Variants in KCNIP1 observed in about 807,000 individuals in gnomAD.
KCNIP1 encodes potassium voltage-gated channel interacting protein 1, also known as A-type potassium channel modulatory protein KCNIP1.
KCNIP1 carries 18 observed loss-of-function variants against 33.0 expected under a neutral mutation model. That is an observed-to-expected ratio of 0.55 (90% CI 0.38 to 0.81). KCNIP1 has a LOEUF of 0.81. KCNIP1 is among the 30% of genes least tolerant of loss of function. The probability of loss-of-function intolerance (pLI) is 0.00; values close to 1 mark genes in which losing one functional copy is unlikely to be tolerated. For synonymous variants in KCNIP1, 93 were observed against 98.3 expected (o/e 0.95, Z 0.32); for missense variants, 238 against 271.6 (o/e 0.88, Z 0.87).
At chr5:170,655,832 C>T (rs894496534) in intron 1 of KCNIP1, among the ~76,000 whole-genome samples, 3 of 152,182 alleles carry the variant, frequency 2.0e-5, no homozygotes, top group East Asian at 3.9e-4. Context: ...ATTCAAGAAA[C>T]CAGCCTCTCT....
intron 1 of KCNIP1, among the ~76,000 whole-genome samples, chr5:170,434,811 C>A (rs965597300): frequency 2.0e-5 from 3 of 152,124 alleles, no homozygotes; most frequent in Non-Finnish European, 2.9e-5. Context: ...AAAAATCAGC[C>A]GGGCGTGGTG....
chr5:170,383,855 G>A (rs1388321245), intron 1 of KCNIP1: 1 of 1,613,484 alleles, frequency 6.2e-7, no homozygotes, highest in African/African-American at 1.3e-5. Flanking sequence ...CACACGCTGA[G>A]GAGACCACAC....
intron 1 of KCNIP1, among the ~76,000 whole-genome samples, chr5:170,586,080 C>T (rs1757978639): frequency 6.6e-6 from 1 of 152,206 alleles, no homozygotes; most frequent in Non-Finnish European, 1.5e-5. Context: ...GTGCCCCCAT[C>T]TGTAAAATGG....
chr5:170,471,614 C>T (rs1038655737), intron 1 of KCNIP1, among the ~76,000 whole-genome samples: 10 of 152,180 alleles, frequency 6.6e-5, no homozygotes, highest in African/African-American at 2.4e-4. Flanking sequence ...GTCTGCAAGG[C>T]CCTGAGTGCC....
In KCNIP1 at chr5:170,736,117, T is replaced by C. The variant is rs1274418452; in HGVS notation, c.*311T>C. 3.0e-6 allele frequency: 1 copy of C among 328,838 alleles called. No homozygotes were observed. Among genetic ancestry groups the C allele is most frequent in the Non-Finnish European group, 5.6e-6 (1 of 178,834 alleles). 20.4% of individuals were successfully genotyped at this position (328,838 alleles called of 1,614,324 possible). A position where few individuals can be genotyped will look rare whatever the true frequency, so the allele number is the denominator to read the frequency against. Reference sequence around the variant, plus strand: ...CCCTCTGCTTAAGCTTAAACAGTAGTGCACAAAATATGCTGCTTACGTGCC... The same window carrying C: ...CCCTCTGCTTAAGCTTAAACAGTAGCGCACAAAATATGCTGCTTACGTGCC... On this transcript the variant is annotated 3_prime_UTR_variant, in exon 8 of 8. Coordinates refer to ENST00000328939, the MANE Select transcript of KCNIP1 (RefSeq NM_014592.4).
At chr5:170,633,256 A>AG (rs772563765) in intron 1 of KCNIP1, among the ~76,000 whole-genome samples, 32 of 152,216 alleles carry the variant, frequency 2.1e-4, no homozygotes, top group Non-Finnish European at 3.5e-4. Flanking sequence ...GACGCTGGTC[A>AG]GGGGAGGAGG....
At chr5:170,594,500 C>A (rs1249937763) in intron 1 of KCNIP1, among the ~76,000 whole-genome samples, 4 of 152,168 alleles carry the variant, frequency 2.6e-5, no homozygotes, top group Non-Finnish European at 5.9e-5. Flanking sequence ...GTGACTCTAA[C>A]TACAGTTTCT....
chr5:170,365,498 G>A (rs1449037304), intron 1 of KCNIP1, among the ~76,000 whole-genome samples: 1 of 152,176 alleles, frequency 6.6e-6, no homozygotes, highest in Non-Finnish European at 1.5e-5. Context: ...TCTTTGATTT[G>A]TTCTTGCCAT....
At chr5:170,627,459 A>G (rs535762095) in intron 1 of KCNIP1, among the ~76,000 whole-genome samples, 1 of 152,314 alleles carries the variant, frequency 6.6e-6, no homozygotes, top group East Asian at 1.9e-4. Flanking sequence ...CCTGGTTCCC[A>G]GAGCTGATGC....
chr5:170,661,554 C>T (rs560456613), intron 1 of KCNIP1, among the ~76,000 whole-genome samples: 3 of 152,022 alleles, frequency 2.0e-5, no homozygotes, highest in East Asian at 1.9e-4. Flanking sequence ...AGGTTAGATG[C>T]GAGTTCTGCA....
chr5:170,549,675 G>A (rs1213867014), intron 1 of KCNIP1, among the ~76,000 whole-genome samples: 1 of 152,180 alleles, frequency 6.6e-6, no homozygotes, highest in East Asian at 1.9e-4. Context: ...GTTGAAATAT[G>A]CTTAAGAAAT....
intron 1 of KCNIP1, among the ~76,000 whole-genome samples, chr5:170,545,137 A>AT (rs1318022426): frequency 2.0e-5 from 3 of 151,850 alleles, no homozygotes; most frequent in Non-Finnish European, 4.4e-5. Context: ...TTTTTGCAGG[A>AT]TTTTTTGCTG....
intron 1 of KCNIP1, among the ~76,000 whole-genome samples, chr5:170,708,898 C>CA (rs199827834): frequency 0.011 from 1,739 of 151,574 alleles, 29 homozygotes; most frequent in African/African-American, 0.04. Context: ...GACCCTGTCT[C>CA]AAAAAAAGAA....
chr5:170,607,794 G>A (rs56020440), intron 1 of KCNIP1, among the ~76,000 whole-genome samples: 25,320 of 152,102 alleles, frequency 0.17, 2,280 homozygotes, highest in Non-Finnish European at 0.2. Flanking sequence ...GGTCTCAGCC[G>A]GCGGGGAGGG....
intron 1 of KCNIP1, among the ~76,000 whole-genome samples, chr5:170,510,849 T>G (rs1355290733): frequency 6.6e-6 from 1 of 152,202 alleles, no homozygotes; most frequent in East Asian, 1.9e-4. Context: ...ATAAGAGTCT[T>G]GGGATTGAAC....
chr5:170,440,498 A>G (rs1378154529), intron 1 of KCNIP1, among the ~76,000 whole-genome samples: 1 of 152,212 alleles, frequency 6.6e-6, no homozygotes, highest in Non-Finnish European at 1.5e-5. Flanking sequence ...AAGGAAATTG[A>G]TTCCCAGGGG....
At chr5:170,543,504 G>A (rs1011937460) in intron 1 of KCNIP1, among the ~76,000 whole-genome samples, 1 of 152,166 alleles carries the variant, frequency 6.6e-6, no homozygotes, top group African/African-American at 2.4e-5. Flanking sequence ...ATTACCAAGT[G>A]TTGACTTTGG....
chr5:170,535,851 T>C (rs1190500967), intron 1 of KCNIP1, among the ~76,000 whole-genome samples: 1 of 152,192 alleles, frequency 6.6e-6, no homozygotes, highest in Non-Finnish European at 1.5e-5. Context: ...ATCTCCAAGA[T>C]CTGCAGCTCG....
At chr5:170,494,168 CT>C (rs1467100425) in intron 1 of KCNIP1, among the ~76,000 whole-genome samples, 4 of 152,230 alleles carry the variant, frequency 2.6e-5, no homozygotes, top group African/African-American at 9.6e-5. Flanking sequence ...ATTGCACACC[CT>C]GCTCAATGCT....
Sources: allele counts gnomAD v4.1 joint callset (sites outside exome capture counted in the v4.1 genomes callset), GRCh38; gene constraint gnomAD v4.1.1; transcripts MANE v1.5; gene names NCBI Gene and HGNC (gene_info 2026-07-23, HGNC 2026-07-21).